The following SNRPF variants were observed in gnomAD, a reference collection of about 807,000 sequenced individuals.
SNRPF encodes the protein small nuclear ribonucleoprotein F.
SNRPF carries 1 observed loss-of-function variant against 13.4 expected under a neutral mutation model. The observed-to-expected ratio is 0.07, with a 90% CI of 0.03 to 0.35. The LOEUF is 0.35. Among genes scored for constraint, SNRPF ranks in the 10% least tolerant of loss-of-function variants. The pLI is 0.99. For synonymous variants in SNRPF, 27 were observed against 32.1 expected, an observed-to-expected ratio of 0.84 and a Z score of 0.54; for missense variants, 53 against 101.0, an observed-to-expected ratio of 0.52 and a Z score of 2.04.
intron 2 of SNRPF, among the ~76,000 whole-genome samples, chr12:95,864,249 C>G (rs1177329184): frequency 6.6e-6 from 1 of 152,108 alleles, no homozygotes; most frequent in Non-Finnish European, 1.5e-5. Context: ...TTGTTAAGCC[C>G]TATTTTTCTT....
intron 1 of SNRPF, 113 bp downstream of exon 1, chr12:95,859,189 G>T (rs2079481456): frequency 3.2e-6 from 3 of 940,014 alleles, no homozygotes; most frequent in Non-Finnish European, 5.1e-6. Flanking sequence ...GTGAGGCGCC[G>T]CGCACCCTGT....
rs529933032 is a variant in SNRPF, at chr12:95,862,486, G to T, written c.129+1193G>T. Among the ~76,000 whole-genome samples the T allele has an allele frequency of 7.9e-5, 12 of 152,302 alleles. No individual in the cohort carries two copies. In the East Asian group the frequency reaches 2.3e-3, roughly 29 times the overall value. ...CCCAGCACTTTGGGAGGCTGAGGCA[G>T]CAGATTGCTTGAGCCCAGGAGTTTG... On this transcript the variant is annotated intron_variant, in intron 2 of 3. Coordinates refer to ENST00000266735, the MANE Select transcript of SNRPF (RefSeq NM_003095.5).
chr12:95,865,277 A>G (rs528874721), intron 2 of SNRPF, 47 bp from the exon 3 acceptor site: 2 of 941,622 alleles, frequency 2.1e-6, no homozygotes, highest in Non-Finnish European at 3.5e-6. Flanking sequence ...GTATTGTAAT[A>G]TTTTCCTCCT....
intron 1 of SNRPF, among the ~76,000 whole-genome samples, chr12:95,860,834 GCCAC>G (rs1434329327): frequency 7.1e-6 from 1 of 141,588 alleles, no homozygotes; most frequent in Non-Finnish European, 1.5e-5. Context: ...ACAGATACGA[GCCAC>G]CCTACCTGGC....
chr12:95,863,316 G>GCA (rs2079504891), intron 2 of SNRPF, among the ~76,000 whole-genome samples: 1 of 152,168 alleles, frequency 6.6e-6, no homozygotes, highest in Non-Finnish European at 1.5e-5. Context: ...GGTGATAGTT[G>GCA]CACAGGTTTT....
chr12:95,865,286 CTG>C (rs778140374), intron 2 of SNRPF, 36 bp from the exon 3 acceptor site: 3 of 1,020,618 alleles, frequency 2.9e-6, no homozygotes, highest in Non-Finnish European at 4.6e-6. Context: ...TATTTTCCTC[CTG>C]TGTGATTATA....
At chr12:95,861,821 T>C (rs1186559298) in intron 2 of SNRPF, 1 of 153,272 alleles carries the variant, frequency 6.5e-6, no homozygotes, top group Non-Finnish European at 1.5e-5. Context: ...TTTATTGTGG[T>C]AAAATATACA....
chr12:95,859,220 C>A, intron 1 of SNRPF, 144 bp downstream of exon 1: 1 of 655,634 alleles, frequency 1.5e-6, no homozygotes, highest in Non-Finnish European at 2.6e-6. Flanking sequence ...TTTCACTCTG[C>A]TTTTAGGTTT....
intron 1 of SNRPF, among the ~76,000 whole-genome samples, chr12:95,859,649 T>C (rs2079485033): frequency 6.6e-6 from 1 of 152,064 alleles, no homozygotes; most frequent in Non-Finnish European, 1.5e-5. Flanking sequence ...AGGAGGAGTG[T>C]ACCGAGCACA....
At chr12:95,862,991 T>G (rs2079503190) in intron 2 of SNRPF, among the ~76,000 whole-genome samples, 1 of 152,106 alleles carries the variant, frequency 6.6e-6, no homozygotes, top group South Asian at 2.1e-4. Flanking sequence ...TTTAAAAAAT[T>G]AGTTTGGGAT....
chr12:95,862,541 C>G (rs1007916754), intron 2 of SNRPF, among the ~76,000 whole-genome samples: 10 of 152,094 alleles, frequency 6.6e-5, no homozygotes, highest in African/African-American at 4.8e-5. Context: ...AGTGAAACTG[C>G]ATCTCTACAA....
At chr12:95,859,210 T>A in intron 1 of SNRPF, 134 bp downstream of exon 1, 1 of 726,702 alleles carries the variant, frequency 1.4e-6, no homozygotes, top group Non-Finnish European at 2.3e-6. Flanking sequence ...CGCCAGCTCC[T>A]TTCACTCTGC....
intron 2 of SNRPF, 131 bp downstream of exon 2, chr12:95,861,424 A>T: frequency 6.4e-6 from 5 of 778,232 alleles, no homozygotes; most frequent in South Asian, 6.4e-5. Context: ...TCAAAAATAA[A>T]GTCAAAGCCA....
intron 2 of SNRPF, 150 bp from the exon 3 acceptor site, chr12:95,865,174 A>G: frequency 2.3e-6 from 1 of 432,760 alleles, no homozygotes; most frequent in Non-Finnish European, 4.1e-6. Context: ...CAATAGTAAT[A>G]GAAAGCTCAT....
Position 95,865,215 on chromosome 12 carries a change from G to A in SNRPF, c.130-109G>A, listed in dbSNP as rs76884284. On this transcript the variant is annotated intron_variant, in intron 2 of 3. Transcript: ENST00000266735. ...GTTTATTAATTATAGATAAATTTGA[G>A]TTGTTGGTATAGAAAGGTCTCAGTT... 403 of 478,058 alleles carry A rather than the reference G, an allele frequency of 8.4e-4. 1 individual carries two copies. Among genetic ancestry groups the A allele is most frequent in the Non-Finnish European group, 1.2e-3 (331 of 264,886 alleles). The allele number at this position is 478,058 out of a possible 1,614,324, so 29.6% of individuals were successfully genotyped here. A position where few individuals can be genotyped will look rare whatever the true frequency, so the allele number is the denominator to read the frequency against.
At chr12:95,860,617 G>T (rs2079490926) in intron 1 of SNRPF, among the ~76,000 whole-genome samples, 1 of 152,064 alleles carries the variant, frequency 6.6e-6, no homozygotes, top group Non-Finnish European at 1.5e-5. Context: ...GAGTGCAGTG[G>T]CCTAATCATA....
Position 95,865,355 on chromosome 12 carries a change from C to T in SNRPF, c.161C>T (p.Ala54Val). The change falls in exon 3 of 4, where the codon GCT (alanine) becomes GTT (valine). Residue 54 changes from alanine (A) to valine (V), a missense_variant. Ala to Val is a moderately conservative substitution (Grantham distance 64). Coordinates refer to ENST00000266735, the MANE Select transcript of SNRPF (RefSeq NM_003095.5). ...LANTEEYIDGALSGHLGEVLI... is the reference protein window; with the variant it reads ...LANTEEYIDGVLSGHLGEVLI... ...AATACAGAAGAATACATAGATGGAG[C>T]TTTGTCTGGACATCTGGGTGAAGTT... 1.9e-6 allele frequency: 3 copies of T among 1,568,380 alleles called. No homozygotes were observed. Among genetic ancestry groups the T allele is most frequent in the Non-Finnish European group, 2.6e-6 (3 of 1,140,014 alleles).
chr12:95,861,121 G>T (rs939269819), intron 1 of SNRPF, 47 bp from the exon 2 acceptor site: 2 of 1,561,534 alleles, frequency 1.3e-6, no homozygotes, highest in African/African-American at 2.7e-5. Flanking sequence ...AGAGTTGGTG[G>T]TGGGAGGAAA....
chr12:95,859,000 C>T lies in SNRPF; in HGVS notation c.-74C>T. ...AAACTGCGGCTCGGGACCTGCGGTACCTGCTGTAGTCACGAGGGACGGGCG... is the reference window on the plus strand; with the variant it reads ...AAACTGCGGCTCGGGACCTGCGGTATCTGCTGTAGTCACGAGGGACGGGCG... On this transcript the variant is annotated 5_prime_UTR_variant, in exon 1 of 4. Coordinates refer to ENST00000266735, the MANE Select transcript of SNRPF (RefSeq NM_003095.5). 2 of 1,599,674 alleles carry T rather than the reference C, an allele frequency of 1.3e-6. No homozygotes were observed. Among genetic ancestry groups the T allele is most frequent in the Admixed American group, 1.8e-5 (1 of 56,816 alleles).
Sources: gnomAD v4.1 joint callset for allele counts (sites outside exome capture counted in the v4.1 genomes callset) on GRCh38, gnomAD v4.1.1 for gene constraint, MANE v1.5 for transcripts, NCBI Gene and HGNC (gene_info 2026-07-23, HGNC 2026-07-21) for gene names.